Variants in CNGB3 observed in about 807,000 individuals in gnomAD.
CNGB3 encodes cyclic nucleotide gated channel subunit beta 3, also known as cyclic nucleotide-gated channel beta-3.
CNGB3 carries 86 observed loss-of-function variants against 92.8 expected under a neutral mutation model. That is an observed-to-expected ratio of 0.93 (90% CI 0.78 to 1.11). The LOEUF is 1.11. CNGB3 is among the 50% of genes least tolerant of loss of function. The pLI is 0.00. For synonymous variants in CNGB3, 333 were observed against 332.7 expected (o/e 1.00, Z -0.01); for missense variants, 1,026 against 956.8 (o/e 1.07, Z -0.95).
chr8:86,624,467 C>T (rs953241081), intron 13 of CNGB3, among the ~76,000 whole-genome samples: 1 of 152,074 alleles, frequency 6.6e-6, no homozygotes, highest in African/African-American at 2.4e-5. Context: ...CCTCCAAGCC[C>T]CTCCATTAAC....
intron 15 of CNGB3, among the ~76,000 whole-genome samples, chr8:86,581,500 A>G (rs977239360): frequency 1.3e-5 from 2 of 152,154 alleles, no homozygotes; most frequent in Non-Finnish European, 2.9e-5. Flanking sequence ...AAATATACCC[A>G]GAGCATATTT....
chr8:86,642,437 G>C lies in CNGB3; in HGVS notation c.1178+1314C>G, dbSNP rs79212445. 2.3e-3 allele frequency among the ~76,000 whole-genome samples: 346 copies of C among 151,728 alleles called. 1 individual carries two copies. Among genetic ancestry groups the C allele is most frequent in the African/African-American group, 8.0e-3 (332 of 41,460 alleles). On this transcript the variant is annotated intron_variant, in intron 10 of 17. Coordinates refer to ENST00000320005, the MANE Select transcript of CNGB3 (RefSeq NM_019098.5). Reference sequence around the variant, plus strand: ...TGTGTGTGTGTGTTTCCCAATCAGTGGTCCTTCTGACTTTAAATTCTTTAA... The same window carrying C: ...TGTGTGTGTGTGTTTCCCAATCAGTCGTCCTTCTGACTTTAAATTCTTTAA...
intron 15 of CNGB3, among the ~76,000 whole-genome samples, chr8:86,591,428 G>A (rs1243393693): frequency 5.9e-5 from 9 of 151,618 alleles, no homozygotes; most frequent in African/African-American, 1.7e-4. Context: ...GATTTTTAGA[G>A]TTTCCAGTTT....
At chr8:86,709,571 T>TA (rs1824711979) in intron 3 of CNGB3, among the ~76,000 whole-genome samples, 1 of 152,200 alleles carries the variant, frequency 6.6e-6, no homozygotes, top group Non-Finnish European at 1.5e-5. Context: ...GTTGGACTGT[T>TA]ACTTGTCTCA....
intron 15 of CNGB3, among the ~76,000 whole-genome samples, chr8:86,595,583 T>G (rs559682124): frequency 6.3e-4 from 96 of 152,338 alleles, no homozygotes; most frequent in Admixed American, 1.2e-3. Flanking sequence ...GCTTACAGGT[T>G]TGAGATATGA....
At chr8:86,669,169 GAA>G (rs2131617113) in intron 4 of CNGB3, among the ~76,000 whole-genome samples, 1 of 151,964 alleles carries the variant, frequency 6.6e-6, no homozygotes, top group Admixed American at 6.6e-5. Context: ...AATGAAAAAA[GAA>G]TATGTTAAAA....
intron 3 of CNGB3, among the ~76,000 whole-genome samples, chr8:86,697,411 A>G (rs950974057): frequency 5.9e-5 from 9 of 152,198 alleles, no homozygotes; most frequent in African/African-American, 1.9e-4. Context: ...TTAGAGATCA[A>G]GTTAACACTC....
At chr8:86,642,058 C>T (rs1823199147) in intron 10 of CNGB3, among the ~76,000 whole-genome samples, 1 of 151,542 alleles carries the variant, frequency 6.6e-6, no homozygotes, top group African/African-American at 2.4e-5. Flanking sequence ...TCTCTTCCTG[C>T]TTTTATATAC....
chr8:86,606,897 A>G (rs1174384416), intron 14 of CNGB3, among the ~76,000 whole-genome samples: 2 of 152,230 alleles, frequency 1.3e-5, no homozygotes, highest in East Asian at 1.9e-4. Context: ...GGTGACTCCA[A>G]TATCAGAACT....
chr8:86,600,607 T>C (rs531028676), intron 15 of CNGB3, among the ~76,000 whole-genome samples: 2 of 150,596 alleles, frequency 1.3e-5, no homozygotes, highest in South Asian at 4.2e-4. Context: ...TAGTTCCTTT[T>C]TTTTTTCTTT....
chr8:86,668,421 C>T (rs1823789914), intron 4 of CNGB3, among the ~76,000 whole-genome samples: 2 of 151,914 alleles, frequency 1.3e-5, no homozygotes, highest in African/African-American at 4.8e-5. Flanking sequence ...ACCACCATAG[C>T]CCATGTATAC....
intron 2 of CNGB3, among the ~76,000 whole-genome samples, chr8:86,727,894 A>T (rs1413065269): frequency 6.6e-6 from 1 of 152,160 alleles, no homozygotes; most frequent in Non-Finnish European, 1.5e-5. Flanking sequence ...GATGATCACC[A>T]TACCAGTCCT....
At chr8:86,687,136 TG>T (rs927278037) in intron 3 of CNGB3, among the ~76,000 whole-genome samples, 11 of 152,012 alleles carry the variant, frequency 7.2e-5, no homozygotes, top group Admixed American at 6.6e-4. Context: ...CAATAAGTGT[TG>T]GTGAGTTTGT....
At chr8:86,699,929 C>T (rs1431019068) in intron 3 of CNGB3, among the ~76,000 whole-genome samples, 1 of 151,784 alleles carries the variant, frequency 6.6e-6, no homozygotes, top group African/African-American at 2.4e-5. Context: ...CCTTCCTTTC[C>T]TCCCTCTATC....
chr8:86,584,364 G>T (rs1821852098), intron 15 of CNGB3, among the ~76,000 whole-genome samples: 1 of 152,150 alleles, frequency 6.6e-6, no homozygotes, highest in Admixed American at 6.5e-5. Context: ...TTGAACCTGA[G>T]AATATCTGTA....
intron 3 of CNGB3, among the ~76,000 whole-genome samples, chr8:86,723,503 T>C (rs1825009197): frequency 6.6e-6 from 1 of 152,192 alleles, no homozygotes; most frequent in Admixed American, 6.6e-5. Context: ...TTTCAATAAT[T>C]ATTTTATCAT....
At chr8:86,577,651 A>C (rs2131531075) in intron 17 of CNGB3, among the ~76,000 whole-genome samples, 1 of 152,298 alleles carries the variant, frequency 6.6e-6, no homozygotes, top group South Asian at 2.1e-4. Context: ...AATTTGATCA[A>C]TTGATTAATT....
At chr8:86,719,797 G>A (rs1824931706) in intron 3 of CNGB3, among the ~76,000 whole-genome samples, 1 of 152,060 alleles carries the variant, frequency 6.6e-6, no homozygotes, top group Non-Finnish European at 1.5e-5. Context: ...ATAAAAATAG[G>A]CATATAGACC....
intron 6 of CNGB3, chr8:86,658,878 A>G: frequency 1.4e-6 from 1 of 720,446 alleles, no homozygotes; most frequent in Admixed American, 2.0e-5. Context: ...GTGCACCTCC[A>G]CCTGCTCCTC....
Sources: gnomAD v4.1 joint callset for allele counts (sites outside exome capture counted in the v4.1 genomes callset) on GRCh38, gnomAD v4.1.1 for gene constraint, MANE v1.5 for transcripts, NCBI Gene and HGNC (gene_info 2026-07-23, HGNC 2026-07-21) for gene names.